The following STARD3NL variants were observed in gnomAD, a reference collection of about 807,000 sequenced individuals.
STARD3NL encodes STARD3 N-terminal-like protein.
In STARD3NL, 17 loss-of-function variants were observed where a neutral mutation model predicts 30.9. That is an observed-to-expected ratio of 0.55 (90% confidence interval 0.38 to 0.82). The LOEUF is 0.82. Among genes scored for constraint, STARD3NL ranks in the 40% least tolerant of loss-of-function variants. The pLI is 0.00. For synonymous variants in STARD3NL, 112 were observed against 100.5 expected (o/e 1.11, Z -0.69); for missense variants, 234 against 277.6 (o/e 0.84, Z 1.12).
rs1247822475 is a variant in STARD3NL, at chr7:38,207,538, C to T, written c.34C>T (p.Leu12Phe). 6.2e-7 allele frequency: 1 copy of T among 1,614,014 alleles called. No homozygotes were observed. Among genetic ancestry groups the T allele is most frequent in the East Asian group, 2.2e-5 (1 of 44,874 alleles). ...NHLPEDMENA[L>F]TGSQSSHASL... is the part of the protein sequence containing the mutation. ...CCTGCCAGAAGACATGGAGAACGCTCTCACCGGGAGCCAGAGCTCCCATGC... is the reference window on the plus strand; with the variant it reads ...CCTGCCAGAAGACATGGAGAACGCTTTCACCGGGAGCCAGAGCTCCCATGC... The change falls in exon 2 of 9, where the codon CTC (leucine) becomes TTC (phenylalanine). Residue 12 changes from leucine to phenylalanine, a missense_variant. Coordinates refer to ENST00000009041, the MANE Select transcript of STARD3NL (RefSeq NM_032016.4).
chr7:38,182,921 G>A (rs2115900366), intron 1 of STARD3NL, among the ~76,000 whole-genome samples: 1 of 152,286 alleles, frequency 6.6e-6, no homozygotes, highest in Non-Finnish European at 1.5e-5. Flanking sequence ...TCATGTTGCA[G>A]TAATCATAGG....
intron 7 of STARD3NL, among the ~76,000 whole-genome samples, chr7:38,225,085 G>A (rs1786678466): frequency 6.6e-6 from 1 of 151,968 alleles, no homozygotes; most frequent in African/African-American, 2.4e-5. Flanking sequence ...GTTTTAATTT[G>A]TATGTTTGTA....
chr7:38,229,323 A>G (rs1347321646), intron 8 of STARD3NL, among the ~76,000 whole-genome samples: 1 of 152,244 alleles, frequency 6.6e-6, no homozygotes, highest in East Asian at 1.9e-4. Flanking sequence ...GCTCAGGCCC[A>G]CACTTTCTGG....
At chr7:38,194,758 G>C (rs941007165) in intron 1 of STARD3NL, among the ~76,000 whole-genome samples, 9 of 151,574 alleles carry the variant, frequency 5.9e-5, no homozygotes, top group African/African-American at 2.2e-4. Flanking sequence ...GTTTTTTGGT[G>C]GTCTAGTTTT....
chr7:38,193,249 C>T (rs554041202), intron 1 of STARD3NL, among the ~76,000 whole-genome samples: 6 of 151,994 alleles, frequency 3.9e-5, no homozygotes, highest in Non-Finnish European at 8.8e-5. Context: ...AATGAGTAAA[C>T]AGAAATGTCT....
chr7:38,202,428 A>G (rs1301401035), intron 1 of STARD3NL, among the ~76,000 whole-genome samples: 1 of 152,202 alleles, frequency 6.6e-6, no homozygotes, highest in Non-Finnish European at 1.5e-5. Context: ...GTGATGTTTG[A>G]ATTTAGTGCC....
intron 7 of STARD3NL, among the ~76,000 whole-genome samples, chr7:38,227,181 A>G (rs1319921685): frequency 6.6e-6 from 1 of 152,182 alleles, no homozygotes; most frequent in Non-Finnish European, 1.5e-5. Flanking sequence ...GTTTAGCTTT[A>G]TTTAGGACTC....
intron 7 of STARD3NL, among the ~76,000 whole-genome samples, chr7:38,222,308 C>T (rs1371852427): frequency 6.6e-6 from 1 of 152,106 alleles, no homozygotes; most frequent in Non-Finnish European, 1.5e-5. Flanking sequence ...GGTGTTGGAT[C>T]TGAAAGCAGC....
intron 7 of STARD3NL, among the ~76,000 whole-genome samples, chr7:38,226,152 G>GTTTTTTTTTTTT (rs11286474): frequency 3.9e-5 from 4 of 102,474 alleles, no homozygotes; most frequent in African/African-American, 3.9e-5. Flanking sequence ...TGCCTATCTT[G>GTTTTTTTTTTTT]TTTTTTTTTT....
At chr7:38,186,490 G>C (rs1424623536) in intron 1 of STARD3NL, among the ~76,000 whole-genome samples, 1 of 152,172 alleles carries the variant, frequency 6.6e-6, no homozygotes, top group African/African-American at 2.4e-5. Context: ...TTAAAACAAA[G>C]GAGTTTCTAG....
intron 2 of STARD3NL, 138 bp downstream of exon 2, chr7:38,207,867 T>G (rs921728861): frequency 2.6e-6 from 2 of 783,898 alleles, no homozygotes; most frequent in Non-Finnish European, 4.0e-6. Context: ...TTTCTCCTCC[T>G]GATTTGGACC....
chr7:38,219,909 A>C (rs1396969111), intron 7 of STARD3NL, among the ~76,000 whole-genome samples: 1 of 152,204 alleles, frequency 6.6e-6, no homozygotes, highest in Admixed American at 6.5e-5. Flanking sequence ...GAAGACACAC[A>C]GACAAGGGGA....
In STARD3NL at chr7:38,206,860, C is replaced by T. The variant is rs114673438; in HGVS notation, c.-58-587C>T. 2.3e-3 allele frequency among the ~76,000 whole-genome samples: 350 copies of T among 152,246 alleles called. 3 individuals are homozygous for T. The highest frequency in any genetic ancestry group is 8.1e-3 in the African/African-American group (335 of 41,526). ...ATCATAGCTCACTATAACCTCAACT[C>T]CTGGGCTCAAGCGATCCTCCTATGC... On this transcript the variant is annotated intron_variant, in intron 1 of 8. Coordinates refer to ENST00000009041, the MANE Select transcript of STARD3NL (RefSeq NM_032016.4).
chr7:38,221,260 G>T (rs1045155245), intron 7 of STARD3NL, among the ~76,000 whole-genome samples: 30 of 152,188 alleles, frequency 2.0e-4, no homozygotes, highest in Middle Eastern at 3.4e-3. Flanking sequence ...TAAGTGTCAG[G>T]TGCTGTTCTA....
At chr7:38,199,068 T>A (rs1785056110) in intron 1 of STARD3NL, among the ~76,000 whole-genome samples, 1 of 152,260 alleles carries the variant, frequency 6.6e-6, no homozygotes, top group South Asian at 2.1e-4. Context: ...AATCTCTTTT[T>A]CAGAAAACAA....
intron 1 of STARD3NL, among the ~76,000 whole-genome samples, chr7:38,186,198 G>A (rs561440277): frequency 1.3e-5 from 2 of 152,254 alleles, no homozygotes; most frequent in African/African-American, 2.4e-5. Flanking sequence ...GGAGCAACAC[G>A]ACTCCTTGAG....
At chr7:38,222,141 T>TCTCACA (rs71558111) in intron 7 of STARD3NL, among the ~76,000 whole-genome samples, 25 of 144,196 alleles carry the variant, frequency 1.7e-4, no homozygotes, top group African/African-American at 5.4e-4. Context: ...GTTAATATTT[T>TCTCACA]CACACACACA....
intron 2 of STARD3NL, among the ~76,000 whole-genome samples, chr7:38,209,496 C>T (rs1785673267): frequency 6.6e-6 from 1 of 151,984 alleles, no homozygotes; most frequent in Admixed American, 6.6e-5. Context: ...GTGTTGGCCA[C>T]ACTGTTCTCT....
At chr7:38,204,108 T>C (rs981395967) in intron 1 of STARD3NL, among the ~76,000 whole-genome samples, 12 of 152,170 alleles carry the variant, frequency 7.9e-5, no homozygotes, top group African/African-American at 2.9e-4. Flanking sequence ...TATCCAGGAA[T>C]TGAACTCAGC....
Sources: gnomAD v4.1 joint callset for allele counts (sites outside exome capture counted in the v4.1 genomes callset) on GRCh38, gnomAD v4.1.1 for gene constraint, MANE v1.5 for transcripts, NCBI Gene and HGNC (gene_info 2026-07-23, HGNC 2026-07-21) for gene names.